The following CDK5RAP2 variants were observed in gnomAD, a reference collection of about 807,000 sequenced individuals.
The protein encoded by CDK5RAP2 is CDK5 regulatory subunit-associated protein 2.
CDK5RAP2 carries 147 observed loss-of-function variants against 232.9 expected under a neutral mutation model. The ratio of observed to expected loss-of-function variants is 0.63; its 90% CI spans 0.55 to 0.72. CDK5RAP2 has a LOEUF of 0.72. Among genes scored for constraint, CDK5RAP2 ranks in the 30% least tolerant of loss-of-function variants. The pLI is 0.00. For synonymous variants in CDK5RAP2, 833 were observed against 833.7 expected (o/e 1.00, Z 0.01); for missense variants, 2,195 against 2,231.5 (o/e 0.98, Z 0.33).
chr9:120,555,134 T>TG (rs1450567700), intron 3 of CDK5RAP2, among the ~76,000 whole-genome samples: 4 of 114,310 alleles, frequency 3.5e-5, no homozygotes, highest in Admixed American at 3.2e-4. Flanking sequence ...CTAAATTTTT[T>TG]TGGGGGGGGG....
intron 3 of CDK5RAP2, among the ~76,000 whole-genome samples, chr9:120,557,781 T>C (rs2042288822): frequency 6.9e-6 from 1 of 145,968 alleles, no homozygotes; most frequent in African/African-American, 2.5e-5. Context: ...TTTTTTTTTT[T>C]TTTGAGACAG....
rs766751386 is a variant in CDK5RAP2 at position 120,527,847 on chromosome 9, T to C, written c.958A>G (p.Ile320Val). 3.7e-6 allele frequency: 6 copies of C among 1,613,808 alleles called. No homozygotes were observed. In the South Asian group the frequency reaches 6.6e-5, roughly 18 times the overall value. The change falls in exon 10 of 38, where the codon ATT becomes GTT. Residue 320 changes from isoleucine to valine, a missense_variant. Coordinates refer to ENST00000349780, the MANE Select transcript of CDK5RAP2 (RefSeq NM_018249.6). ...TTTAATGCCATGGTTAAACCCTGAA[T>C]GGCTTTATCCCTCTTTAGACTATTT... Reference protein sequence around the residue: ...KKNSLKRDKAIQGLTMALKSK... With the variant: ...KKNSLKRDKAVQGLTMALKSK...
rs180971748 is a variant in CDK5RAP2 at position 120,404,418 on chromosome 9, C to T, written c.4964-305G>A. On this transcript the variant is annotated intron_variant, in intron 32 of 37. Coordinates refer to ENST00000349780, the MANE Select transcript of CDK5RAP2 (RefSeq NM_018249.6). The stretch of plus-strand genomic sequence containing the variant: ...GCTGTTGGGGCTCAGGTGAGGGGCA[C>T]TACCCCCAACTTGGCTTCCCAAAGG... 5.9e-5 allele frequency among the ~76,000 whole-genome samples: 9 copies of T among 152,340 alleles called. No homozygotes were observed. In the East Asian group the frequency reaches 1.7e-3, roughly 29 times the overall value.
chr9:120,408,520 A>G (rs1217924669), intron 30 of CDK5RAP2, 52 bp from the exon 31 acceptor site: 1 of 1,607,586 alleles, frequency 6.2e-7, no homozygotes, highest in Admixed American at 1.7e-5. Flanking sequence ...ACCTCAGGGT[A>G]ACTTATTCAA....
chr9:120,439,103 T>C (rs1175070097), intron 24 of CDK5RAP2, among the ~76,000 whole-genome samples: 1 of 152,174 alleles, frequency 6.6e-6, no homozygotes. Flanking sequence ...GTGACTGGTA[T>C]GAAACCTTTA....
intron 25 of CDK5RAP2, among the ~76,000 whole-genome samples, chr9:120,425,279 A>G (rs907427351): frequency 2.0e-5 from 3 of 152,182 alleles, no homozygotes; most frequent in Non-Finnish European, 4.4e-5. Flanking sequence ...ATTCTTTAAA[A>G]CCAAGTGACA....
At chr9:120,572,482 T>C (rs2042889143) in intron 1 of CDK5RAP2, among the ~76,000 whole-genome samples, 1 of 152,250 alleles carries the variant, frequency 6.6e-6, no homozygotes, top group Admixed American at 6.5e-5. Context: ...ACTATTATCA[T>C]TATGACTACT....
chr9:120,415,360 G>A (rs2034150144), intron 27 of CDK5RAP2, among the ~76,000 whole-genome samples: 1 of 152,150 alleles, frequency 6.6e-6, no homozygotes, highest in South Asian at 2.1e-4. Context: ...ATTCTCTGCA[G>A]CCCTCCATGA....
At chr9:120,516,894 T>C (rs1193114231) in intron 12 of CDK5RAP2, among the ~76,000 whole-genome samples, 1 of 152,244 alleles carries the variant, frequency 6.6e-6, no homozygotes, top group Non-Finnish European at 1.5e-5. Flanking sequence ...CCTCAGGATC[T>C]ATCCTAGGGA....
chr9:120,497,108 T>C (rs1233114967), intron 12 of CDK5RAP2, among the ~76,000 whole-genome samples: 1 of 129,622 alleles, frequency 7.7e-6, no homozygotes, highest in African/African-American at 3.6e-5. Flanking sequence ...TCTGTGACCT[T>C]ACCCCCAACC....
At chr9:120,423,005 C>T (rs2131383004) in intron 25 of CDK5RAP2, among the ~76,000 whole-genome samples, 1 of 152,260 alleles carries the variant, frequency 6.6e-6, no homozygotes. Flanking sequence ...GTGTCTTTTT[C>T]TTTCTCTCAA....
chr9:120,452,238 G>GTCTCTCTCTCTC lies in CDK5RAP2; in HGVS notation c.2793+1206_2793+1217dup, dbSNP rs373806149. Among the ~76,000 whole-genome samples the GTCTCTCTCTCTC allele has an allele frequency of 3.6e-3, 517 of 142,932 alleles. 6 individuals carry two copies. The highest frequency in any genetic ancestry group is 0.013 in the African/African-American group (486 of 38,704). 93.8% of individuals were successfully genotyped at this position (142,932 alleles called of 152,430 possible). A position where few individuals can be genotyped will look rare whatever the true frequency, so the allele number is the denominator to read the frequency against. ...TTCTAGTACCGTTAATATAATGGCA[G>GTCTCTCTCTCTC]TCTCTCTCTCTCTCTCTCTCTCTCT... On this transcript the variant is annotated intron_variant, in intron 21 of 37. Coordinates refer to ENST00000349780, the MANE Select transcript of CDK5RAP2 (RefSeq NM_018249.6).
At chr9:120,572,189 A>C (rs561960511) in intron 1 of CDK5RAP2, 148 bp from the exon 2 acceptor site, 1 of 705,934 alleles carries the variant, frequency 1.4e-6, no homozygotes, top group Admixed American at 2.0e-5. Context: ...CACAGAGGTT[A>C]AGAACTCAGG....
At chr9:120,572,117 C>T (rs1057390948) in intron 1 of CDK5RAP2, 76 bp from the exon 2 acceptor site, 24 of 1,113,752 alleles carry the variant, frequency 2.2e-5, no homozygotes, top group East Asian at 1.6e-4. Context: ...CTGGACTGCA[C>T]ATGACAATCA....
Position 120,568,392 on chromosome 9 carries a change from T to C in CDK5RAP2, c.128-4A>G. On this transcript the variant is annotated splice_region_variant and splice_polypyrimidine_tract_variant and intron_variant, in intron 2 of 37. Transcript: ENST00000349780. ...TCTTCTGACACATTTGGGAGCACTG[T>C]AAAAAGGTAAAATAGAGGAAAACGT... 1 of 1,608,850 alleles carries C rather than the reference T, an allele frequency of 6.2e-7. No individual in the cohort carries two copies. Among genetic ancestry groups the C allele is most frequent in the Non-Finnish European group, 8.5e-7 (1 of 1,175,208 alleles).
chr9:120,416,007 G>A (rs997076181), intron 27 of CDK5RAP2, among the ~76,000 whole-genome samples: 2 of 151,996 alleles, frequency 1.3e-5, no homozygotes, highest in Admixed American at 6.5e-5. Context: ...ATCCAAGATT[G>A]ATAACATAAT....
At chr9:120,452,995 G>GT (rs1053935341) in intron 21 of CDK5RAP2, among the ~76,000 whole-genome samples, 30 of 152,106 alleles carry the variant, frequency 2.0e-4, no homozygotes, top group African/African-American at 7.2e-4. Context: ...CTAAAGTCAG[G>GT]TTATGACAAT....
intron 12 of CDK5RAP2, among the ~76,000 whole-genome samples, chr9:120,500,308 G>A (rs2039515496): frequency 6.6e-6 from 1 of 151,906 alleles, no homozygotes; most frequent in South Asian, 2.1e-4. Context: ...CTTCTGATTT[G>A]TTTTCTTAGG....
At chr9:120,470,866 C>G (rs1047192330) in intron 16 of CDK5RAP2, among the ~76,000 whole-genome samples, 5 of 152,064 alleles carry the variant, frequency 3.3e-5, no homozygotes. Flanking sequence ...CAAACAGTAT[C>G]TCATTTAACA....
Sources: gnomAD v4.1 joint callset for allele counts (sites outside exome capture counted in the v4.1 genomes callset) on GRCh38, gnomAD v4.1.1 for gene constraint, MANE v1.5 for transcripts, NCBI Gene and HGNC (gene_info 2026-07-23, HGNC 2026-07-21) for gene names.